Variants in MGAT1 observed in about 807,000 individuals in gnomAD.
MGAT1 encodes the protein N-glycosyl-oligosaccharide-glycoprotein N-acetylglucosaminyltransferase I.
In MGAT1, 14 loss-of-function variants were observed where a neutral mutation model predicts 31.7. The ratio of observed to expected loss-of-function variants is 0.44; its 90% CI spans 0.29 to 0.69. The LOEUF (loss-of-function observed/expected upper bound fraction) is 0.69, where lower values mean the gene tolerates loss of function less well. Among genes scored for constraint, MGAT1 ranks in the 30% least tolerant of loss-of-function variants. The probability of loss-of-function intolerance (pLI) is 0.12; values close to 1 mark genes in which losing one functional copy is unlikely to be tolerated. For missense variants in MGAT1, 557 were observed against 626.0 expected (o/e 0.89, Z 1.18); for synonymous variants, 338 against 276.0 (o/e 1.22, Z -2.23).
intron 1 of MGAT1, among the ~76,000 whole-genome samples, chr5:180,801,809 C>T (rs531538171): frequency 6.6e-6 from 1 of 152,312 alleles, no homozygotes; most frequent in South Asian, 2.1e-4. Context: ...TAATGAGTTT[C>T]CCTTGTTAAC....
chr5:180,794,560 T>C (rs1481218690), intron 1 of MGAT1, among the ~76,000 whole-genome samples: 2 of 152,102 alleles, frequency 1.3e-5, no homozygotes, highest in Non-Finnish European at 2.9e-5. Flanking sequence ...GTAATAAAGG[T>C]GCTACTTAAA....
rs769894108 is a variant in MGAT1 at position 180,791,665 on chromosome 5, G to A, written c.1307C>T (p.Thr436Met). 14 of 1,613,694 alleles carry A rather than the reference G, an allele frequency of 8.7e-6. No homozygotes were observed. The highest frequency in any genetic ancestry group is 5.5e-5 in the South Asian group (5 of 91,080). Residue 436 changes from threonine to methionine, a missense_variant, in exon 2 of 2, where the codon ACG becomes ATG. By Grantham distance (81) the Thr-to-Met change is moderately conservative. Around this residue, in one of 3 missense-constraint regions of MGAT1, gnomAD observed 145 missense variants for 143.2 expected, o/e 1.01. Transcript: ENST00000307826. Reference protein sequence around the residue: ...GRRVHLAPPLTWEGYDPSWN With the variant: ...GRRVHLAPPLMWEGYDPSWN Reference sequence around the variant, plus strand: ...CCAGCTAGGATCATAGCCCTCCCACGTCAGTGGGGGCGCCAGGTGGACACG... The same window carrying A: ...CCAGCTAGGATCATAGCCCTCCCACATCAGTGGGGGCGCCAGGTGGACACG...
intron 1 of MGAT1, chr5:180,809,956 G>C (rs887451992): frequency 6.6e-6 from 1 of 152,436 alleles, no homozygotes; most frequent in South Asian, 2.1e-4. Context: ...AGAGAAGAGG[G>C]TGACACTGCG....
chr5:180,804,669 G>T (rs1561870903), upstream of MGAT1, among the ~76,000 whole-genome samples: 1 of 151,736 alleles, frequency 6.6e-6, no homozygotes, highest in Non-Finnish European at 1.5e-5. Flanking sequence ...AAAAACAATT[G>T]TGTTTCCTAA....
Position 180,792,379 on chromosome 5 carries a change from CG to C in MGAT1, c.592del (p.Arg198GlyfsTer32). 1 of 1,610,988 alleles carries C rather than the reference CG, an allele frequency of 6.2e-7. No individual in the cohort carries two copies. Among genetic ancestry groups the C allele is most frequent in the South Asian group, 1.1e-5 (1 of 90,972 alleles). Reference sequence around the variant, plus strand: ...CACGGCCGCGGGGAAGCGAAACTGCCGGAAGACCTGGCCCAGCGCCCAGCGG... The same window carrying C: ...CACGGCCGCGGGGAAGCGAAACTGCCGAAGACCTGGCCCAGCGCCCAGCGG... ...HYRWALGQVF[R>X]QFRFPAAVVV... On this transcript the variant is annotated frameshift_variant, in exon 2 of 2. Coordinates refer to ENST00000307826, the MANE Select transcript of MGAT1 (RefSeq NM_002406.4). LOFTEE classifies it high-confidence loss of function.
At chr5:180,794,878 G>C (rs6861358) in intron 1 of MGAT1, among the ~76,000 whole-genome samples, 18,942 of 152,138 alleles carry the variant, frequency 0.12, 1,257 homozygotes, top group East Asian at 0.24. Context: ...ACCTACACAG[G>C]AGTGTTGATG....
chr5:180,792,671 G>T lies in MGAT1; in HGVS notation c.301C>A (p.Pro101Thr). 3.2e-6 allele frequency: 5 copies of T among 1,575,382 alleles called. No individual in the cohort carries two copies. ...AGGATGGGAATCACCGCCGGCGCGG[G>T]GGTCACAGGCACACGCGGCTGGGCG... ...PPAQPRVPVT[P>T]APAVIPILVI... is the part of the protein sequence containing the mutation. The change falls in exon 2 of 2, where the codon CCC becomes ACC. Residue 101 changes from proline (P) to threonine (T), a missense_variant. Coordinates refer to ENST00000307826, the MANE Select transcript of MGAT1 (RefSeq NM_002406.4).
chr5:180,806,248 T>A (rs955308455), upstream of MGAT1, among the ~76,000 whole-genome samples: 2 of 151,998 alleles, frequency 1.3e-5, no homozygotes, highest in African/African-American at 4.8e-5. Context: ...ATCGCACCAC[T>A]GCACTCCAGC....
Position 180,791,385 on chromosome 5 carries a change from C to T in MGAT1, c.*249G>A. ...TCTGGCCCCAACAAGCCCAGTGCCC[C>T]CCACCACACAGTGGTTTCCTGCTTA... is the stretch of plus-strand genomic sequence containing the variant. On this transcript the variant is annotated 3_prime_UTR_variant, in exon 2 of 2. Transcript: ENST00000307826. The T allele has an allele frequency of 3.5e-6, 2 of 570,864 alleles. No individual in the cohort carries two copies. The highest frequency in any genetic ancestry group is 6.5e-5 in the Admixed American group (2 of 30,972). 35.4% of individuals were successfully genotyped at this position (570,864 alleles called of 1,614,324 possible).
At chr5:180,798,159 G>A (rs1396399952) in intron 1 of MGAT1, among the ~76,000 whole-genome samples, 6 of 152,204 alleles carry the variant, frequency 3.9e-5, no homozygotes, top group African/African-American at 1.4e-4. Context: ...GGGTTGCTGT[G>A]AAGATCGGAT....
At chr5:180,807,194 C>A (rs1321614139), upstream of MGAT1, among the ~76,000 whole-genome samples, 1 of 152,226 alleles carries the variant, frequency 6.6e-6, no homozygotes, top group Non-Finnish European at 1.5e-5. Flanking sequence ...CACTGTCACC[C>A]ATCCTCAAGG....
chr5:180,806,751 T>C (rs1410542699), upstream of MGAT1, among the ~76,000 whole-genome samples: 1 of 152,172 alleles, frequency 6.6e-6, no homozygotes, highest in East Asian at 1.9e-4. Context: ...ACAAAACAGA[T>C]TGACTGGATC....
intron 1 of MGAT1, among the ~76,000 whole-genome samples, chr5:180,798,308 G>C (rs10464108): frequency 6.6e-6 from 1 of 152,052 alleles, no homozygotes; most frequent in Non-Finnish European, 1.5e-5. Flanking sequence ...CAAGCCTACC[G>C]TCGGGGTCTT....
In MGAT1 at chr5:180,798,989, G is replaced by A. The variant is rs140259472; in HGVS notation, c.-127+3691C>T. 1.7e-3 allele frequency among the ~76,000 whole-genome samples: 266 copies of A among 152,238 alleles called. 3 individuals carry two copies. Among genetic ancestry groups the A allele is most frequent in the Admixed American group, 0.015 (228 of 15,298 alleles). On this transcript the variant is annotated intron_variant, in intron 1 of 1. Coordinates refer to ENST00000307826, the MANE Select transcript of MGAT1 (RefSeq NM_002406.4). ...CCCTTTAACCTGAACTCATTCCTTC[G>A]TAGGAAACACTGTTTTAAGTCTGGA...
In MGAT1 at chr5:180,792,800, C is replaced by T; in HGVS notation, c.172G>A (p.Ala58Thr). ...ASLTREVIRL[A>T]QDAEVELERQ... ...TCCAGCTCCACCTCGGCGTCTTGGG[C>T]CAGGCGAATCACTTCCCGGGTGAGG... The change falls in exon 2 of 2, where the codon GCC (alanine) becomes ACC (threonine). Residue 58 changes from alanine to threonine, a missense_variant. Coordinates refer to ENST00000307826, the MANE Select transcript of MGAT1 (RefSeq NM_002406.4). 1 of 1,554,868 alleles carries T rather than the reference C, an allele frequency of 6.4e-7. No individual in the cohort carries two copies. Among genetic ancestry groups the T allele is most frequent in the Non-Finnish European group, 8.7e-7 (1 of 1,149,866 alleles).
chr5:180,797,440 G>GC (rs57989347), intron 1 of MGAT1, among the ~76,000 whole-genome samples: 2 of 121,712 alleles, frequency 1.6e-5, no homozygotes, highest in East Asian at 3.2e-4. Context: ...GGGGGGGGGG[G>GC]CCCAGAGGGA....
chr5:180,815,607 A>G (rs1049971834), upstream of MGAT1: 3 of 152,142 alleles, frequency 2.0e-5, no homozygotes, highest in African/African-American at 7.2e-5. Context: ...GACCTGGCCA[A>G]TACCCTCCTG....
At chr5:180,812,994 G>C (rs1032990563) in intron 1 of MGAT1, among the ~76,000 whole-genome samples, 1 of 151,864 alleles carries the variant, frequency 6.6e-6, no homozygotes, top group Non-Finnish European at 1.5e-5. Context: ...TTATACAAAT[G>C]TACCATAATT....
chr5:180,792,358 G>A lies in MGAT1; in HGVS notation c.614C>T (p.Ala205Val), dbSNP rs1230776940. The A allele has an allele frequency of 1.2e-6, 2 of 1,611,106 alleles. No individual in the cohort carries two copies. The highest frequency in any genetic ancestry group is 1.7e-6 in the Non-Finnish European group (2 of 1,178,260). Residue 205 changes from alanine (A) to valine (V), a missense_variant, in exon 2 of 2, where the codon GCC becomes GTC. Physicochemically the swap from Ala to Val is moderately conservative, Grantham distance 64. Around this residue, in one of 3 missense-constraint regions of MGAT1, gnomAD observed 245 missense variants for 332.9 expected, o/e 0.74. Transcript: ENST00000307826. ...CTCCAGGTCATCCTCCACCACCACG[G>A]CCGCGGGGAAGCGAAACTGCCGGAA... is the stretch of plus-strand genomic sequence containing the variant. ...QVFRQFRFPA[A>V]VVVEDDLEVA...
Sources: allele counts gnomAD v4.1 joint callset (sites outside exome capture counted in the v4.1 genomes callset), GRCh38; gene constraint gnomAD v4.1.1; regional missense constraint gnomAD v4.1.1; transcripts MANE v1.5; gene names NCBI Gene and HGNC (gene_info 2026-07-23, HGNC 2026-07-21).